PTPRD: variants seen among roughly 807,000 people sequenced by gnomAD.
The protein encoded by PTPRD is protein tyrosine phosphatase receptor type D.
Under a neutral mutation model 214.5 loss-of-function variants are expected in PTPRD, and 34 were observed. That is an observed-to-expected ratio of 0.16 (90% CI 0.12 to 0.21). PTPRD has a LOEUF of 0.21. Ranked by LOEUF, PTPRD falls within the 10% of genes least tolerant of loss-of-function variation. The probability of loss-of-function intolerance (pLI) is 1.00; values close to 1 mark genes in which losing one functional copy is unlikely to be tolerated. For synonymous variants in PTPRD, 1,128 were observed against 845.7 expected, an observed-to-expected ratio of 1.33 and a Z score of -5.79; for missense variants, 2,545 against 2,398.7, an observed-to-expected ratio of 1.06 and a Z score of -1.27.
At chr9:9,490,408 A>G (rs2095847319) in intron 8 of PTPRD, among the ~76,000 whole-genome samples, 1 of 152,152 alleles carries the variant, frequency 6.6e-6, no homozygotes, top group Admixed American at 6.5e-5. Context: ...CGCTTTCCAC[A>G]CAATTTAATG....
chr9:9,845,180 ATTGC>A (rs1189077298), intron 5 of PTPRD, among the ~76,000 whole-genome samples: 10 of 94,550 alleles, frequency 1.1e-4, no homozygotes, highest in South Asian at 6.2e-4. Context: ...ATATATATAT[ATTGC>A]TCTATATATA....
chr9:10,185,721 C>T (rs1406909910), intron 3 of PTPRD, among the ~76,000 whole-genome samples: 1 of 152,080 alleles, frequency 6.6e-6, no homozygotes, highest in African/African-American at 2.4e-5. Context: ...TGTTAACATA[C>T]ATTCACTGTA....
At chr9:9,455,849 C>A (rs1166545734) in intron 8 of PTPRD, among the ~76,000 whole-genome samples, 3 of 151,652 alleles carry the variant, frequency 2.0e-5, no homozygotes, top group African/African-American at 7.2e-5. Context: ...CAAATGGATG[C>A]TACTAGAGCA....
At chr9:9,416,220 G>A (rs117176176) in intron 8 of PTPRD, among the ~76,000 whole-genome samples, 238 of 152,046 alleles carry the variant, frequency 1.6e-3, no homozygotes, top group Non-Finnish European at 2.4e-3. Context: ...TCCCCAGATC[G>A]GTTCTCTTGT....
At chr9:8,886,164 C>T (rs556457028) in intron 11 of PTPRD, among the ~76,000 whole-genome samples, 1 of 152,122 alleles carries the variant, frequency 6.6e-6, no homozygotes, top group Non-Finnish European at 1.5e-5. Flanking sequence ...GTTCATAAGC[C>T]AGACATATTG....
chr9:9,800,262 G>A (rs1319823978), intron 5 of PTPRD, among the ~76,000 whole-genome samples: 3 of 152,234 alleles, frequency 2.0e-5, no homozygotes, highest in East Asian at 3.9e-4. Flanking sequence ...TTGAGTCAAG[G>A]AATTCCAGCC....
intron 11 of PTPRD, among the ~76,000 whole-genome samples, chr9:8,741,534 C>A (rs1486898414): frequency 1.4e-5 from 2 of 141,012 alleles, no homozygotes; most frequent in East Asian, 4.4e-4. Context: ...TCAAACAGAA[C>A]ATGGATTCTA....
chr9:10,087,101 C>A (rs2098353591), intron 3 of PTPRD, among the ~76,000 whole-genome samples: 1 of 149,294 alleles, frequency 6.7e-6, no homozygotes, highest in Non-Finnish European at 1.5e-5. Context: ...AACAAAGAAT[C>A]AAACAATGCT....
chr9:8,521,202 G>A (rs1321092596), intron 20 of PTPRD, 75 bp downstream of exon 20: 2 of 1,485,000 alleles, frequency 1.3e-6, no homozygotes, highest in East Asian at 4.6e-5. Flanking sequence ...GATTTTCAAG[G>A]ATGGGCTTTC....
intron 11 of PTPRD, among the ~76,000 whole-genome samples, chr9:8,847,174 AT>A (rs5896265): frequency 0.16 from 24,694 of 150,806 alleles, 2,209 homozygotes; most frequent in East Asian, 0.31. Flanking sequence ...TTCCTAAAAT[AT>A]TTTTTTTTTG....
intron 7 of PTPRD, among the ~76,000 whole-genome samples, chr9:9,654,884 G>A (rs1397069959): frequency 6.6e-6 from 1 of 152,056 alleles, no homozygotes; most frequent in Admixed American, 6.6e-5. Flanking sequence ...TCATAGCAAT[G>A]ATATATGAAA....
chr9:9,394,404 T>G (rs1350679326), intron 9 of PTPRD, among the ~76,000 whole-genome samples: 1 of 152,200 alleles, frequency 6.6e-6, no homozygotes, highest in East Asian at 1.9e-4. Flanking sequence ...TCCAGAAGTG[T>G]TTGTTGAATA....
At chr9:8,806,719 G>A (rs1014026648) in intron 11 of PTPRD, among the ~76,000 whole-genome samples, 1 of 152,136 alleles carries the variant, frequency 6.6e-6, no homozygotes, top group African/African-American at 2.4e-5. Flanking sequence ...CTGTTCTGAT[G>A]TTTTAATGTG....
chr9:10,311,856 A>G (rs1290886182), intron 3 of PTPRD, among the ~76,000 whole-genome samples: 1 of 152,032 alleles, frequency 6.6e-6, no homozygotes. Context: ...ATGCTTTTTC[A>G]GGTGAGCTTG....
chr9:8,822,888 G>C (rs1374394609), intron 11 of PTPRD, among the ~76,000 whole-genome samples: 1 of 152,012 alleles, frequency 6.6e-6, no homozygotes, highest in Admixed American at 6.6e-5. Context: ...AAAGCAGAAA[G>C]GATTAACAGA....
In PTPRD at chr9:8,608,535, A is replaced by G. The variant is rs190827599; in HGVS notation, c.352+24782T>C. 1.5e-3 allele frequency among the ~76,000 whole-genome samples: 223 copies of G among 151,972 alleles called. 3 individuals are homozygous for G. The highest frequency in any genetic ancestry group is 2.1e-4 in the Non-Finnish European group (14 of 67,976). ...GAGAGTCACTTAGAACCACTCAGAG[A>G]CTCTCAGTGTCTCTCCCATATCTTC... is the stretch of plus-strand genomic sequence containing the variant. On this transcript the variant is annotated intron_variant, in intron 14 of 45. Coordinates refer to ENST00000381196, the MANE Select transcript of PTPRD (RefSeq NM_002839.4).
chr9:9,064,041 T>C (rs1006554010), intron 10 of PTPRD, among the ~76,000 whole-genome samples: 7 of 152,176 alleles, frequency 4.6e-5, no homozygotes, highest in African/African-American at 9.6e-5. Context: ...GCAAAAGATA[T>C]CAGCTGAGTG....
chr9:9,977,220 A>G (rs1409958579), intron 4 of PTPRD, among the ~76,000 whole-genome samples: 2 of 152,326 alleles, frequency 1.3e-5, no homozygotes, highest in African/African-American at 2.4e-5. Flanking sequence ...GTGACGTACT[A>G]TAACACACTG....
chr9:10,439,263 C>A (rs910989929), intron 2 of PTPRD, among the ~76,000 whole-genome samples: 1 of 151,676 alleles, frequency 6.6e-6, no homozygotes, highest in Non-Finnish European at 1.5e-5. Context: ...TTTTTATGAC[C>A]CAGCTAGGGA....
Sources: gnomAD v4.1 joint callset for allele counts (sites outside exome capture counted in the v4.1 genomes callset) on GRCh38, gnomAD v4.1.1 for gene constraint, MANE v1.5 for transcripts, NCBI Gene and HGNC (gene_info 2026-07-23, HGNC 2026-07-21) for gene names.